SEC24D: variants seen among roughly 807,000 people sequenced by gnomAD.
The protein encoded by SEC24D is protein transport protein Sec24D.
A neutral mutation model predicts 116.9 loss-of-function variants in SEC24D; 69 were observed. The ratio of observed to expected loss-of-function variants is 0.59; its 90% CI spans 0.49 to 0.72. SEC24D has a LOEUF of 0.72. SEC24D is among the 30% of genes least tolerant of loss of function. The probability of loss-of-function intolerance (pLI) is 0.00; values close to 1 mark genes in which losing one functional copy is unlikely to be tolerated. For missense variants in SEC24D, 1,131 were observed against 1,264.1 expected, an observed-to-expected ratio of 0.89 and a Z score of 1.60; for synonymous variants, 405 against 442.8, an observed-to-expected ratio of 0.91 and a Z score of 1.07.
intron 13 of SEC24D, among the ~76,000 whole-genome samples, chr4:118,745,371 T>C (rs1726465751): frequency 2.0e-5 from 3 of 152,222 alleles, no homozygotes; most frequent in Admixed American, 1.3e-4. Context: ...GACGAAATAC[T>C]TTCTTATTTA....
chr4:118,738,320 T>C lies in SEC24D; in HGVS notation c.2437A>G (p.Thr813Ala). ...KVIREILVNQ[T>A]AHMLACYRKN... Reference sequence around the variant, plus strand: ...CGGTAACATGCCAACATATGGGCAGTCTGATTAACTAGAATTTCCCGGATG... The same window carrying C: ...CGGTAACATGCCAACATATGGGCAGCCTGATTAACTAGAATTTCCCGGATG... The change falls in exon 19 of 23, where the codon ACT (threonine) becomes GCT (alanine). Residue 813 changes from threonine to alanine, a missense_variant. By Grantham distance (58) the Thr-to-Ala change is moderately conservative (BLOSUM62 0). Transcript: ENST00000280551. 1.9e-6 allele frequency: 3 copies of C among 1,613,726 alleles called. No individual in the cohort carries two copies. Among genetic ancestry groups the C allele is most frequent in the East Asian group, 4.5e-5 (2 of 44,858 alleles).
At position 118,744,916 on chromosome 4, in the gene SEC24D, T is replaced by C. The variant is rs1266150963; in HGVS notation, c.1824+28A>G. 2.5e-6 allele frequency: 3 copies of C among 1,222,724 alleles called. No individual in the cohort carries two copies. In the African/African-American group the frequency reaches 4.5e-5, roughly 18 times the overall value. 75.7% of individuals were successfully genotyped at this position (1,222,724 alleles called of 1,614,324 possible). A position where few individuals can be genotyped will look rare whatever the true frequency, so the allele number is the denominator to read the frequency against. On this transcript the variant is annotated intron_variant, in intron 14 of 22. Transcript: ENST00000280551. The stretch of plus-strand genomic sequence containing the variant: ...CTTTAACTCCTCTTAATAATTGACA[T>C]ATGGATACTCAAAGAGTTACAAAGT...
intron 8 of SEC24D, among the ~76,000 whole-genome samples, chr4:118,769,204 T>C (rs1460275806): frequency 6.6e-6 from 1 of 152,212 alleles, no homozygotes; most frequent in Admixed American, 6.5e-5. Flanking sequence ...CACAGAATAC[T>C]CACAGTGTAG....
At chr4:118,733,055 G>T in intron 19 of SEC24D, 143 bp from the exon 20 acceptor site, 1 of 661,746 alleles carries the variant, frequency 1.5e-6, no homozygotes, top group Non-Finnish European at 2.6e-6. Context: ...AAAACACCTA[G>T]AGCACACAGT....
At chr4:118,780,907 C>CTTTTTTTTTTTTTTTTTTTT (rs143712578) in intron 8 of SEC24D, among the ~76,000 whole-genome samples, 8 of 61,878 alleles carry the variant, frequency 1.3e-4, no homozygotes, top group East Asian at 6.7e-4. Flanking sequence ...GCAACCCCTG[C>CTTTTTTTTTTTTTTTTTTTT]TTTTTTTTTT....
chr4:118,781,986 A>G (rs1728435933), intron 8 of SEC24D, among the ~76,000 whole-genome samples: 1 of 152,112 alleles, frequency 6.6e-6, no homozygotes, highest in Admixed American at 6.5e-5. Flanking sequence ...CCATTCGTCT[A>G]ATGTTTTTTC....
At chr4:118,800,206 G>T (rs999048470) in intron 7 of SEC24D, among the ~76,000 whole-genome samples, 1 of 152,160 alleles carries the variant, frequency 6.6e-6, no homozygotes, top group African/African-American at 2.4e-5. Flanking sequence ...AGAAAGATGC[G>T]AGAGAAGGTG....
At chr4:118,831,252 C>T (rs1256351003) in intron 2 of SEC24D, among the ~76,000 whole-genome samples, 1 of 152,190 alleles carries the variant, frequency 6.6e-6, no homozygotes, top group Non-Finnish European at 1.5e-5. Flanking sequence ...TGGTCTCAAA[C>T]TCCGGGCCTC....
At chr4:118,747,876 C>T (rs890605512) in intron 13 of SEC24D, among the ~76,000 whole-genome samples, 3 of 152,200 alleles carry the variant, frequency 2.0e-5, no homozygotes, top group Non-Finnish European at 4.4e-5. Context: ...ATGACATAGG[C>T]AATACATTAA....
At chr4:118,782,987 G>A (rs938961743) in intron 8 of SEC24D, among the ~76,000 whole-genome samples, 3 of 152,144 alleles carry the variant, frequency 2.0e-5, no homozygotes, top group African/African-American at 4.8e-5. Flanking sequence ...GGGATGTTCC[G>A]TTTTCTCCAG....
intron 1 of SEC24D, among the ~76,000 whole-genome samples, chr4:118,834,922 A>T (rs1161156585): frequency 6.6e-6 from 1 of 152,240 alleles, no homozygotes; most frequent in Non-Finnish European, 1.5e-5. Context: ...AAAATTTGTG[A>T]TTTGATTTTG....
chr4:118,768,337 T>C (rs1727740676), intron 8 of SEC24D, 26 bp from the exon 9 acceptor site: 1 of 1,600,054 alleles, frequency 6.2e-7, no homozygotes, highest in Admixed American at 1.7e-5. Context: ...AAAAATTAAA[T>C]GAACAGGTGA....
At chr4:118,793,193 C>T (rs1043302809) in intron 8 of SEC24D, among the ~76,000 whole-genome samples, 22 of 152,096 alleles carry the variant, frequency 1.4e-4, no homozygotes, top group Non-Finnish European at 2.9e-5. Flanking sequence ...CCCGGCCGGG[C>T]GCGGTGGCTC....
intron 8 of SEC24D, among the ~76,000 whole-genome samples, chr4:118,783,050 T>C (rs1728493728): frequency 1.3e-5 from 2 of 152,222 alleles, no homozygotes; most frequent in Admixed American, 6.5e-5. Context: ...CCCTGACCCC[T>C]TGGGCTTCCC....
At chr4:118,819,530 CAAA>C (rs373794417) in intron 3 of SEC24D, among the ~76,000 whole-genome samples, 1 of 60,928 alleles carries the variant, frequency 1.6e-5, no homozygotes, top group Non-Finnish European at 3.4e-5. Context: ...GACCCCGTCT[CAAA>C]AAAAAAAAAA....
At chr4:118,794,814 C>A (rs1201746441) in intron 8 of SEC24D, among the ~76,000 whole-genome samples, 3 of 152,124 alleles carry the variant, frequency 2.0e-5, no homozygotes, top group Non-Finnish European at 4.4e-5. Flanking sequence ...TATAATATTT[C>A]TCATATTAAT....
chr4:118,814,895 C>T, intron 6 of SEC24D, 133 bp downstream of exon 6: 1 of 993,952 alleles, frequency 1.0e-6, no homozygotes, highest in Non-Finnish European at 1.5e-6. Context: ...GGAAGGAAGC[C>T]TTCCCTCTAT....
rs139436596 is a variant in SEC24D, at chr4:118,784,813, T to C, written c.1041+12870A>G. On this transcript the variant is annotated intron_variant, in intron 8 of 22. Coordinates refer to ENST00000280551, the MANE Select transcript of SEC24D (RefSeq NM_014822.4). The stretch of plus-strand genomic sequence containing the variant: ...ACATACCTTCCTCTGTGAGATGATA[T>C]TGAGAGAAACACTGGAGTGGGGGGA... Among the ~76,000 whole-genome samples, 1,448 of 146,876 alleles carry C rather than the reference T, an allele frequency of 9.9e-3. 21 individuals carry two copies. Among genetic ancestry groups the C allele is most frequent in the African/African-American group, 0.035 (1,366 of 39,104 alleles).
intron 10 of SEC24D, among the ~76,000 whole-genome samples, chr4:118,761,962 G>T (rs1221324435): frequency 1.3e-5 from 2 of 152,124 alleles, no homozygotes; most frequent in Non-Finnish European, 2.9e-5. Flanking sequence ...TCTATACATT[G>T]TAAGTACCTT....
Sources: gnomAD v4.1 joint callset for allele counts (sites outside exome capture counted in the v4.1 genomes callset) on GRCh38, gnomAD v4.1.1 for gene constraint, MANE v1.5 for transcripts, NCBI Gene and HGNC (gene_info 2026-07-23, HGNC 2026-07-21) for gene names.